RIF1: variants seen among roughly 807,000 people sequenced by gnomAD.
RIF1 encodes telomere-associated protein RIF1.
RIF1 carries 45 observed loss-of-function variants against 247.1 expected under a neutral mutation model. That is an observed-to-expected ratio of 0.18 (90% confidence interval 0.14 to 0.23). RIF1 has a LOEUF of 0.23. RIF1 is among the 10% of genes least tolerant of loss of function. The pLI is 1.00. For missense variants in RIF1, 2,967 were observed against 2,862.5 expected, an observed-to-expected ratio of 1.04 and a Z score of -0.83; for synonymous variants, 1,087 against 978.8, an observed-to-expected ratio of 1.11 and a Z score of -2.06.
At chr2:151,485,868 T>C (rs778502509), downstream of RIF1, 44 of 1,613,996 alleles carry the variant, frequency 2.7e-5, no homozygotes, top group South Asian at 2.6e-4. Flanking sequence ...TGATGGCATC[T>C]CCATCCTTGA....
At chr2:151,506,263 G>T in exon 13 of RIF1, 1 of 1,604,134 alleles carries the variant, frequency 6.2e-7, no homozygotes, top group Non-Finnish European at 8.5e-7. Context: ...TAAAACCTGG[G>T]CATTCAGAAT....
Position 151,479,663 on chromosome 2 carries a change from T to G in RIF1, c.*4592T>G, listed in dbSNP as rs916883673. ...TATGTGGTTGAAAATTCCTGTTTCATCGTAAAGTGAAATTTGAAAGATGGA... is the reference window on the plus strand; with the variant it reads ...TATGTGGTTGAAAATTCCTGTTTCAGCGTAAAGTGAAATTTGAAAGATGGA... On this transcript the variant is annotated 3_prime_UTR_variant, in exon 36 of 36. Transcript: ENST00000444746. 1 of 152,192 alleles carries G rather than the reference T, an allele frequency of 6.6e-6. No individual in the cohort carries two copies. Among genetic ancestry groups the G allele is most frequent in the African/African-American group, 2.4e-5 (1 of 41,434 alleles). The allele number at this position is 152,192 out of a possible 1,614,324, so 9.4% of individuals were successfully genotyped here.
In RIF1 at chr2:151,466,012, C is replaced by T; in HGVS notation, c.6492C>T (p.Gly2164=). Residue 2164 remains glycine, a synonymous_variant, in exon 30 of 36, where the codon GGC becomes GGT. Coordinates refer to ENST00000444746, the MANE Select transcript of RIF1 (RefSeq NM_018151.5). ...SLVSANDSPS[G]MQTRCVWSPL... ...TGTCAGCAAATGACAGTCCTAGTGG[C>T]ATGCAGACACGCTGTGTCTGGTCTC... 2 of 1,613,928 alleles carry T rather than the reference C, an allele frequency of 1.2e-6. No individual in the cohort carries two copies. Among genetic ancestry groups the T allele is most frequent in the Non-Finnish European group, 1.7e-6 (2 of 1,179,822 alleles).
chr2:151,419,323 T>G (rs765642766), intron 6 of RIF1, among the ~76,000 whole-genome samples: 2 of 152,068 alleles, frequency 1.3e-5, no homozygotes, highest in South Asian at 4.1e-4. Context: ...TTATTTTTTG[T>G]TTTTTTATTA....
At position 151,463,365 on chromosome 2, in the gene RIF1, A is replaced by G. The variant is rs749271710; in HGVS notation, c.3845A>G (p.Asn1282Ser). The G allele has an allele frequency of 6.8e-6, 11 of 1,614,026 alleles. No homozygotes were observed. The highest frequency in any genetic ancestry group is 9.3e-6 in the Non-Finnish European group (11 of 1,179,984). The change falls in exon 30 of 36, where the codon AAT becomes AGT. Residue 1282 changes from asparagine to serine, a missense_variant. Physicochemically the swap from Asn to Ser is conservative, Grantham distance 46 (BLOSUM62 1). This residue lies in a region of RIF1 where 2,028 missense variants were observed against 1,825.6 expected (regional missense o/e 1.11). Coordinates refer to ENST00000444746, the MANE Select transcript of RIF1 (RefSeq NM_018151.5). ...AAATCTGATTCTGAAAAAATAGTGAATGGAACTAAGAGATCAAGCCGGAGA... is the reference window on the plus strand; with the variant it reads ...AAATCTGATTCTGAAAAAATAGTGAGTGGAACTAAGAGATCAAGCCGGAGA... ...FSKSDSEKIV[N>S]GTKRSSRRAG...
rs182699929 is a variant in RIF1, at chr2:151,490,023, G to A, written c.*416-5206G>A. ...GGAAGATACCGTTGTCTGTTGGGTA[G>A]CAACTGAAGATGATCGTTGTTGTGG... On this transcript the variant is annotated intron_variant and NMD_transcript_variant, in intron 9 of 13. Transcript: ENST00000454583. The A allele has an allele frequency of 4.3e-6, 7 of 1,613,624 alleles. No homozygotes were observed. In the East Asian group the frequency reaches 1.6e-4, roughly 36 times the overall value.
Position 151,455,098 on chromosome 2 carries a change from A to G in RIF1, c.2548A>G (p.Met850Val), listed in dbSNP as rs61750444. 0.021 allele frequency: 34,348 copies of G among 1,613,140 alleles called. 442 individuals carry two copies. The highest frequency in any genetic ancestry group is 0.04 in the African/African-American group (3,006 of 75,022). The change falls in exon 22 of 36, where the codon ATG becomes GTG. Residue 850 changes from methionine (M) to valine (V), a missense_variant. By Grantham distance (21) the Met-to-Val change is conservative (BLOSUM62 1). Coordinates refer to ENST00000444746, the MANE Select transcript of RIF1 (RefSeq NM_018151.5). ...ACTTGGGCATATTTCTTTGCCTTCT[A>G]TGATCCGAAAAATATTTGCAACTTT... ...SVLGHISLPS[M>V]IRKIFATLTR... is the part of the protein sequence containing the mutation.
chr2:151,496,308 G>T (rs763364977), intron 10 of RIF1: 19 of 1,611,224 alleles, frequency 1.2e-5, no homozygotes, highest in Non-Finnish European at 1.6e-5. Context: ...TGTTTGACTC[G>T]CTCCATCTCG....
At chr2:151,514,991 T>A in the RIF1 span, 1 of 1,018,810 alleles carries the variant, frequency 9.8e-7, no homozygotes, top group Non-Finnish European at 1.5e-6. Context: ...TATCTCTCCA[T>A]CTCAGGAAGA....
Position 151,465,974 on chromosome 2 carries a change from G to T in RIF1, c.6454G>T (p.Asp2152Tyr), listed in dbSNP as rs756757736. ...ATCTCCTCAAAAACTAAGGGAACTT[G>T]ATCCTTCACTTGTGTCAGCAAATGA... ...NASPQKLREL[D>Y]PSLVSANDSP... is the part of the protein sequence containing the mutation. The change falls in exon 30 of 36, where the codon GAT becomes TAT. Residue 2152 changes from aspartate (D) to tyrosine (Y), a missense_variant. By Grantham distance (160) the Asp-to-Tyr change is radical (BLOSUM62 -3). Coordinates refer to ENST00000444746, the MANE Select transcript of RIF1 (RefSeq NM_018151.5). The T allele has an allele frequency of 6.2e-7, 1 of 1,614,126 alleles. No homozygotes were observed. The highest frequency in any genetic ancestry group is 8.5e-7 in the Non-Finnish European group (1 of 1,179,974).
chr2:151,431,011 T>C (rs1398681919), intron 9 of RIF1, among the ~76,000 whole-genome samples: 1 of 152,208 alleles, frequency 6.6e-6, no homozygotes, highest in African/African-American at 2.4e-5. Context: ...CTGGCATGTA[T>C]TTGGGTCTAA....
chr2:151,485,755 A>C, downstream of RIF1: 1 of 1,600,656 alleles, frequency 6.2e-7, no homozygotes, highest in Non-Finnish European at 8.5e-7. Flanking sequence ...GATGCTTTGA[A>C]ATGCCTAAAT....
intron 2 of RIF1, 54 bp from the exon 3 acceptor site, chr2:151,411,206 T>A (rs1210368209): frequency 1.9e-6 from 2 of 1,028,152 alleles, no homozygotes; most frequent in Non-Finnish European, 3.0e-6. Flanking sequence ...TTTTTGAGAG[T>A]ATTTTTTTTT....
At chr2:151,424,861 A>G (rs150334026) in intron 8 of RIF1, among the ~76,000 whole-genome samples, 1 of 34,184 alleles carries the variant, frequency 2.9e-5, no homozygotes, top group Non-Finnish European at 6.3e-5. Flanking sequence ...TTTTTTCCAT[A>G]TTTTTTGTAG....
intron 34 of RIF1, among the ~76,000 whole-genome samples, 193 bp downstream of exon 34, chr2:151,470,057 C>G (rs1574163612): frequency 6.6e-6 from 1 of 152,054 alleles, no homozygotes; most frequent in African/African-American, 2.4e-5. Context: ...CCCCTTCTCT[C>G]TTTCATTTCC....
intron 21 of RIF1, among the ~76,000 whole-genome samples, chr2:151,454,202 C>T (rs1010251937): frequency 6.6e-5 from 10 of 152,092 alleles, no homozygotes; most frequent in Non-Finnish European, 1.5e-4. Flanking sequence ...AGATCTCATT[C>T]CTTAAAAGAA....
intron 1 of RIF1, 129 bp from the exon 2 acceptor site, chr2:151,410,285 G>C: frequency 2.8e-6 from 2 of 702,024 alleles, no homozygotes; most frequent in Non-Finnish European, 4.9e-6. Flanking sequence ...CGGAGGCCTG[G>C]GGTGCAGACG....
intron 10 of RIF1, 75 bp downstream of exon 10, chr2:151,433,303 T>A: frequency 8.3e-7 from 1 of 1,209,538 alleles, no homozygotes; most frequent in African/African-American, 1.5e-5. Context: ...AATGTAATCC[T>A]GTGGTGTTAT....
At chr2:151,493,481 G>T in intron 9 of RIF1, 1 of 1,395,722 alleles carries the variant, frequency 7.2e-7, no homozygotes, top group Non-Finnish European at 9.8e-7. Flanking sequence ...GCATCAGACA[G>T]CAGAAAACCA....
Sources: allele counts gnomAD v4.1 joint callset (sites outside exome capture counted in the v4.1 genomes callset), GRCh38; gene constraint gnomAD v4.1.1; regional missense constraint gnomAD v4.1.1; transcripts MANE v1.5; gene names NCBI Gene and HGNC (gene_info 2026-07-23, HGNC 2026-07-21).